The following OAS3 variants were observed in gnomAD, a reference collection of about 807,000 sequenced individuals.
OAS3 encodes 2'-5'-oligoadenylate synthetase 3.
In OAS3, 107 loss-of-function variants were observed where a neutral mutation model predicts 113.0. The ratio of observed to expected loss-of-function variants is 0.95; its 90% CI spans 0.81 to 1.11. The LOEUF is 1.11. Among genes scored for constraint, OAS3 ranks in the 50% most tolerant of loss-of-function variants. OAS3 has a pLI of 0.00. For missense variants in OAS3, 1,258 were observed against 1,389.1 expected, an observed-to-expected ratio of 0.91 and a Z score of 1.50; for synonymous variants, 552 against 573.6, an observed-to-expected ratio of 0.96 and a Z score of 0.54.
intron 3 of OAS3, chr12:112,945,315 GAAAA>G (rs372510678): frequency 0.38 from 45,172 of 120,036 alleles, 8,540 homozygotes; most frequent in East Asian, 0.64. Context: ...CCATCTCAAG[GAAAA>G]AAAAAAAAAA....
chr12:112,969,473 G>A, intron 14 of OAS3, 135 bp from the exon 15 acceptor site: 10 of 986,644 alleles, frequency 1.0e-5, no homozygotes, highest in Non-Finnish European at 1.5e-5. Flanking sequence ...GTGTATAGGA[G>A]CACTGAGGAA....
intron 7 of OAS3, among the ~76,000 whole-genome samples, chr12:112,951,679 T>C (rs2043793697): frequency 6.6e-6 from 1 of 152,008 alleles, no homozygotes; most frequent in South Asian, 2.1e-4. Context: ...TGGCATTTCT[T>C]AGATTGCCCA....
At position 112,968,279 on chromosome 12, in the gene OAS3, G is replaced by A. The variant is rs45613336; in HGVS notation, c.3104+105G>A. ...GATGGGAAAACACTCTTCCTAGAACGGATTCCTTCCTAGAAGTTATATTTG... is the reference window on the plus strand; with the variant it reads ...GATGGGAAAACACTCTTCCTAGAACAGATTCCTTCCTAGAAGTTATATTTG... On this transcript the variant is annotated intron_variant, in intron 14 of 15. Transcript: ENST00000228928. 348 of 1,381,998 alleles carry A rather than the reference G, an allele frequency of 2.5e-4. 1 individual carries two copies. In the African/African-American group the frequency reaches 4.1e-3, roughly 16 times the overall value. 85.6% of individuals were successfully genotyped at this position (1,381,998 alleles called of 1,614,324 possible).
chr12:112,943,489 T>C (rs953864910), intron 2 of OAS3, among the ~76,000 whole-genome samples: 2 of 152,058 alleles, frequency 1.3e-5, no homozygotes, highest in South Asian at 2.1e-4. Flanking sequence ...GCCATGCCCA[T>C]GGGAGTGGTG....
chr12:112,943,341 G>A (rs998452578), intron 2 of OAS3, among the ~76,000 whole-genome samples: 1 of 152,240 alleles, frequency 6.6e-6, no homozygotes, highest in East Asian at 1.9e-4. Flanking sequence ...AACTTATGAG[G>A]TCTGTACTGT....
intron 4 of OAS3, 132 bp downstream of exon 4, chr12:112,947,113 T>A: frequency 1.5e-6 from 1 of 682,816 alleles, no homozygotes; most frequent in Non-Finnish European, 2.5e-6. Context: ...ATGTACATGT[T>A]TTAATTCACT....
chr12:112,969,670 T>C lies in OAS3; in HGVS notation c.3167T>C (p.Leu1056Pro). Reference sequence around the variant, plus strand: ...CTGGGCCACAATGCCCGCTGGGACCTGCTGGCCAAGGAAGCTGCAGCCTGC... The same window carrying C: ...CTGGGCCACAATGCCCGCTGGGACCCGCTGGCCAAGGAAGCTGCAGCCTGC... ...GNLGHNARWD[L>P]LAKEAAACTS... The change falls in exon 15 of 16, where the codon CTG becomes CCG. Residue 1056 changes from leucine to proline, a missense_variant. Coordinates refer to ENST00000228928, the MANE Select transcript of OAS3 (RefSeq NM_006187.4). The C allele has an allele frequency of 1.2e-6, 2 of 1,611,002 alleles. No homozygotes were observed. Among genetic ancestry groups the C allele is most frequent in the Non-Finnish European group, 1.7e-6 (2 of 1,178,674 alleles).
In OAS3 at chr12:112,947,971, C is replaced by T. The variant is rs753440578; in HGVS notation, c.901C>T (p.Pro301Ser). ...GCCTGTGATCCTGGACCCAGCTGAC[C>T]CCACATGGGACCTGGGGAATGGGGC... ...PRPVILDPAD[P>S]TWDLGNGAAW... is the part of the protein sequence containing the mutation. The change falls in exon 5 of 16, where the codon CCC becomes TCC. Residue 301 changes from proline (P) to serine (S), a missense_variant. By Grantham distance (74) the Pro-to-Ser change is moderately conservative (BLOSUM62 -1). Coordinates refer to ENST00000228928, the MANE Select transcript of OAS3 (RefSeq NM_006187.4). The T allele has an allele frequency of 6.2e-7, 1 of 1,602,110 alleles. No individual in the cohort carries two copies. The highest frequency in any genetic ancestry group is 1.7e-5 in the Admixed American group (1 of 58,174).
intron 1 of OAS3, among the ~76,000 whole-genome samples, chr12:112,941,304 C>T (rs978264662): frequency 6.6e-6 from 1 of 152,130 alleles, no homozygotes; most frequent in African/African-American, 2.4e-5. Context: ...AGTTCAAGGC[C>T]GCAGTGAGCT....
At chr12:112,942,721 A>G (rs2043690460) in intron 2 of OAS3, among the ~76,000 whole-genome samples, 1 of 151,264 alleles carries the variant, frequency 6.6e-6, no homozygotes, top group Non-Finnish European at 1.5e-5. Flanking sequence ...AAAAAAAAAG[A>G]AATAAGAATG....
Position 112,962,717 on chromosome 12 carries a change from G to T in OAS3, c.1899G>T (p.Glu633Asp), listed in dbSNP as rs377177174. The T allele has an allele frequency of 6.2e-7, 1 of 1,613,992 alleles. No homozygotes were observed. The highest frequency in any genetic ancestry group is 8.5e-7 in the Non-Finnish European group (1 of 1,179,892). ...PASLPPAYAL[E>D]LLTIFAWEQG... is the part of the protein sequence containing the mutation. ...CTCTGCCCCCAGCCTATGCCCTGGA[G>T]CTCCTCACCATCTTTGCCTGGGAGC... is the stretch of plus-strand genomic sequence containing the variant. Residue 633 changes from glutamate (E) to aspartate (D), a missense_variant, in exon 9 of 16, where the codon GAG becomes GAT. Glu to Asp is a conservative substitution (Grantham distance 45). Coordinates refer to ENST00000228928, the MANE Select transcript of OAS3 (RefSeq NM_006187.4).
chr12:112,963,185 G>A lies in OAS3; in HGVS notation c.2085-128G>A. On this transcript the variant is annotated intron_variant, in intron 9 of 15. Coordinates refer to ENST00000228928, the MANE Select transcript of OAS3 (RefSeq NM_006187.4). This position sits in a 1 kb window ranked among gnomAD's most constrained non-coding sequence, Gnocchi z 4.6. ...CCAATTGAGATCGCTTCTGCACTTGGGCAAGACTGAGCCAACCCTGAGGTC... is the reference window on the plus strand; with the variant it reads ...CCAATTGAGATCGCTTCTGCACTTGAGCAAGACTGAGCCAACCCTGAGGTC... 8.2e-7 allele frequency: 1 copy of A among 1,221,322 alleles called. No homozygotes were observed. The highest frequency in any genetic ancestry group is 2.6e-5 in the East Asian group (1 of 38,936). The allele number at this position is 1,221,322 out of a possible 1,614,324, so 75.7% of individuals were successfully genotyped here.
chr12:112,955,190 G>A (rs576676483), intron 7 of OAS3, among the ~76,000 whole-genome samples: 1 of 152,228 alleles, frequency 6.6e-6, no homozygotes, highest in Non-Finnish European at 1.5e-5. Context: ...AGACTTTGCT[G>A]AAGTTGCTTA....
intron 10 of OAS3, among the ~76,000 whole-genome samples, chr12:112,964,011 C>T (rs1404092891): frequency 2.6e-5 from 4 of 152,204 alleles, no homozygotes; most frequent in Non-Finnish European, 5.9e-5. Context: ...TTCATTATTG[C>T]ACTCATTTAA....
intron 3 of OAS3, among the ~76,000 whole-genome samples, chr12:112,945,971 A>G (rs547442853): frequency 6.6e-6 from 1 of 152,266 alleles, no homozygotes; most frequent in African/African-American, 2.4e-5. Context: ...CAGCCTGGGC[A>G]ACAGAGTAAG....
At chr12:112,960,050 T>C (rs2043868870) in intron 7 of OAS3, among the ~76,000 whole-genome samples, 2 of 152,104 alleles carry the variant, frequency 1.3e-5, no homozygotes, top group African/African-American at 4.8e-5. Flanking sequence ...CCTCATATAG[T>C]TTGTAATTTT....
intron 7 of OAS3, among the ~76,000 whole-genome samples, chr12:112,956,933 G>A (rs1277822444): frequency 6.6e-6 from 1 of 152,174 alleles, no homozygotes; most frequent in Non-Finnish European, 1.5e-5. Flanking sequence ...TGTTGACAGT[G>A]GGGTGTTACA....
rs757335481 is a variant in OAS3, at chr12:112,941,534, A to G, written c.178-36A>G. 3.8e-6 allele frequency: 6 copies of G among 1,594,488 alleles called. No individual in the cohort carries two copies. In the East Asian group the frequency reaches 1.3e-4, roughly 36 times the overall value. On this transcript the variant is annotated intron_variant, in intron 1 of 15. Transcript: ENST00000228928. The stretch of plus-strand genomic sequence containing the variant: ...CAGGTTGCAAGGCCACTAGAATTGG[A>G]CAGTATGAAATTCTGAGTTATTTTT...
intron 4 of OAS3, 107 bp from the exon 5 acceptor site, chr12:112,947,839 C>A: frequency 9.7e-7 from 1 of 1,026,296 alleles, no homozygotes; most frequent in Non-Finnish European, 1.4e-6. Context: ...AATCATTTGC[C>A]CCAGGTCACA....
Sources: gnomAD v4.1 joint callset for allele counts (sites outside exome capture counted in the v4.1 genomes callset) on GRCh38, gnomAD v4.1.1 for gene constraint, Gnocchi (gnomAD v3.1) non-coding constraint, MANE v1.5 for transcripts, NCBI Gene and HGNC (gene_info 2026-07-23, HGNC 2026-07-21) for gene names.